Variants in RGS6 observed in about 807,000 individuals in gnomAD.
The protein encoded by RGS6 is regulator of G protein signaling 6.
RGS6 carries 30 observed loss-of-function variants against 78.5 expected under a neutral mutation model. That is an observed-to-expected ratio of 0.38 (90% CI 0.29 to 0.52). The LOEUF (loss-of-function observed/expected upper bound fraction) is 0.52, where lower values mean the gene tolerates loss of function less well. Among genes scored for constraint, RGS6 ranks in the 20% least tolerant of loss-of-function variants. The probability of loss-of-function intolerance (pLI) is 0.85; values close to 1 mark genes in which losing one functional copy is unlikely to be tolerated. For synonymous variants in RGS6, 206 were observed against 206.0 expected, an observed-to-expected ratio of 1.00 and a Z score of 0.00; for missense variants, 495 against 609.7, an observed-to-expected ratio of 0.81 and a Z score of 1.98.
At position 72,544,584 on chromosome 14, in the gene RGS6, G is replaced by A. The variant is rs551583356; in HGVS notation, c.1422+4490G>A. On this transcript the variant is annotated intron_variant, in intron 17 of 17. Transcript: ENST00000553525. ...TTTAGCTTTGCCAAGGTGCTCCTTGGAATTGCGGCAGGAAGGGCCGGAAGC... is the reference window on the plus strand; with the variant it reads ...TTTAGCTTTGCCAAGGTGCTCCTTGAAATTGCGGCAGGAAGGGCCGGAAGC... Among the ~76,000 whole-genome samples the A allele has an allele frequency of 2.6e-5, 4 of 152,304 alleles. No individual in the cohort carries two copies. The East Asian group carries it at 7.7e-4, about 29-fold the overall frequency.
At chr14:71,875,511 T>G in the RGS6 span, among the ~76,000 whole-genome samples, 2 of 152,210 alleles carry the variant, frequency 1.3e-5, no homozygotes, top group Non-Finnish European at 2.9e-5. Context: ...CATTTTTTAT[T>G]GTGTCTATTT....
chr14:72,496,400 G>T (rs2096646184), intron 13 of RGS6, among the ~76,000 whole-genome samples: 1 of 152,196 alleles, frequency 6.6e-6, no homozygotes, highest in African/African-American at 2.4e-5. Context: ...CCCTTATGAT[G>T]ATACGCATCT....
At chr14:72,237,674 C>T (rs1055066610) in intron 2 of RGS6, among the ~76,000 whole-genome samples, 1 of 152,134 alleles carries the variant, frequency 6.6e-6, no homozygotes, top group Non-Finnish European at 1.5e-5. Flanking sequence ...GACCCCTTTG[C>T]AGGACTTGTG....
chr14:72,375,429 A>C (rs2084446649), intron 3 of RGS6, among the ~76,000 whole-genome samples: 1 of 152,200 alleles, frequency 6.6e-6, no homozygotes, highest in Non-Finnish European at 1.5e-5. Context: ...AAGCCTGAGA[A>C]ACAGCACCAT....
rs1329407229 is a variant in RGS6, at chr14:71,932,762, A to G, written c.-200A>G. Reference sequence around the variant, plus strand: ...CTCGCCACCACGGAAACTCGGAAAGAGGAGGCGAGGCTGTGGGGAGCGGCG... The same window carrying G: ...CTCGCCACCACGGAAACTCGGAAAGGGGAGGCGAGGCTGTGGGGAGCGGCG... On this transcript the variant is annotated 5_prime_UTR_variant, in exon 1 of 18. Transcript: ENST00000553525. 6.6e-6 allele frequency: 1 copy of G among 152,238 alleles called. No individual in the cohort carries two copies. The highest frequency in any genetic ancestry group is 2.4e-5 in the African/African-American group (1 of 41,468). The allele number at this position is 152,238 out of a possible 1,614,324, so 9.4% of individuals were successfully genotyped here. A position where few individuals can be genotyped will look rare whatever the true frequency, so the allele number is the denominator to read the frequency against.
intron 8 of RGS6, among the ~76,000 whole-genome samples, chr14:72,470,806 G>A (rs2096057110): frequency 6.6e-6 from 1 of 151,528 alleles, no homozygotes; most frequent in South Asian, 2.1e-4. Context: ...TTGAACCCGG[G>A]AAGTGGAGGT....
At chr14:72,289,316 T>G (rs1438068998) in intron 2 of RGS6, among the ~76,000 whole-genome samples, 1 of 143,716 alleles carries the variant, frequency 7.0e-6, no homozygotes, top group Non-Finnish European at 1.5e-5. Context: ...TCATTCATTC[T>G]TATTTTCTTT....
At chr14:71,870,447 T>C in the RGS6 span, among the ~76,000 whole-genome samples, 2 of 152,118 alleles carry the variant, frequency 1.3e-5, no homozygotes, top group Non-Finnish European at 2.9e-5. Context: ...TGATTTTGCA[T>C]ATGGCCCCTG....
chr14:72,543,701 G>T (rs1041610163), intron 17 of RGS6, among the ~76,000 whole-genome samples: 1 of 152,152 alleles, frequency 6.6e-6, no homozygotes, highest in Non-Finnish European at 1.5e-5. Context: ...GTTGACAGAG[G>T]ACAATAGGAG....
chr14:72,308,448 G>A (rs1446385278), intron 2 of RGS6, among the ~76,000 whole-genome samples: 7 of 151,986 alleles, frequency 4.6e-5, no homozygotes, highest in Admixed American at 2.6e-4. Context: ...TTTTTATCTT[G>A]CTTTAGAATT....
intron 2 of RGS6, among the ~76,000 whole-genome samples, chr14:72,069,145 G>T (rs533646759): frequency 5.3e-5 from 8 of 151,828 alleles, no homozygotes; most frequent in Non-Finnish European, 1.0e-4. Flanking sequence ...CTAATATTTT[G>T]TATTTTTAGT....
At chr14:71,906,539 C>A in the RGS6 span, among the ~76,000 whole-genome samples, 3 of 152,216 alleles carry the variant, frequency 2.0e-5, no homozygotes, top group Non-Finnish European at 2.9e-5. Context: ...ATTCTTAAAG[C>A]TTCACACAAA....
At chr14:72,025,985 G>C (rs987699983) in intron 2 of RGS6, among the ~76,000 whole-genome samples, 7 of 152,160 alleles carry the variant, frequency 4.6e-5, no homozygotes, top group Admixed American at 3.9e-4. Context: ...TAATGAGCAG[G>C]ATGAATAAAA....
intron 2 of RGS6, among the ~76,000 whole-genome samples, chr14:72,333,441 C>T (rs1343386156): frequency 3.3e-5 from 5 of 152,128 alleles, no homozygotes; most frequent in Non-Finnish European, 5.9e-5. Context: ...CCTCCCCATT[C>T]GATGGAGATC....
At chr14:72,387,621 G>GA in intron 3 of RGS6, among the ~76,000 whole-genome samples, 1 of 151,556 alleles carries the variant, frequency 6.6e-6, no homozygotes, top group South Asian at 2.1e-4. Flanking sequence ...ATTTTACAAA[G>GA]AAAAAAATGT....
chr14:72,354,890 A>T (rs1180288512), intron 3 of RGS6, among the ~76,000 whole-genome samples: 2 of 152,130 alleles, frequency 1.3e-5, no homozygotes, highest in Non-Finnish European at 2.9e-5. Flanking sequence ...TATATATATT[A>T]TTCATGTATA....
intron 2 of RGS6, among the ~76,000 whole-genome samples, chr14:72,006,763 C>A (rs2084650400): frequency 6.6e-6 from 1 of 152,176 alleles, no homozygotes; most frequent in African/African-American, 2.4e-5. Context: ...GTTTATTATG[C>A]ATCAGTAGAT....
At chr14:71,927,954 G>A (rs928714220), upstream of RGS6, among the ~76,000 whole-genome samples, 23 of 151,990 alleles carry the variant, frequency 1.5e-4, no homozygotes, top group Non-Finnish European at 2.5e-4. Flanking sequence ...CACCGCGCCC[G>A]GCCAAGAATC....
At chr14:72,054,328 G>T (rs555986800) in intron 2 of RGS6, among the ~76,000 whole-genome samples, 2 of 152,068 alleles carry the variant, frequency 1.3e-5, no homozygotes, top group African/African-American at 4.8e-5. Context: ...TATACCAGAG[G>T]CATCTTTGGC....
Sources: allele counts gnomAD v4.1 joint callset (sites outside exome capture counted in the v4.1 genomes callset), GRCh38; gene constraint gnomAD v4.1.1; transcripts MANE v1.5; gene names NCBI Gene and HGNC (gene_info 2026-07-23, HGNC 2026-07-21).